The following IGDCC3 variants were observed in gnomAD, a reference collection of about 807,000 sequenced individuals.
IGDCC3 encodes the protein putative neuronal cell adhesion molecule.
A neutral mutation model predicts 72.0 loss-of-function variants in IGDCC3; 47 were observed. The observed-to-expected ratio is 0.65, with a 90% CI of 0.52 to 0.83. The LOEUF (loss-of-function observed/expected upper bound fraction) is 0.83. Among genes scored for constraint, IGDCC3 ranks in the 40% least tolerant of loss-of-function variants. The probability of loss-of-function intolerance (pLI) is 0.00; values close to 1 mark genes in which losing one functional copy is unlikely to be tolerated. For missense variants in IGDCC3, 1,038 were observed against 1,091.3 expected, an observed-to-expected ratio of 0.95 and a Z score of 0.69; for synonymous variants, 477 against 472.8, an observed-to-expected ratio of 1.01 and a Z score of -0.11.
intron 2 of IGDCC3, among the ~76,000 whole-genome samples, chr15:65,363,654 C>T (rs934349364): frequency 6.0e-5 from 9 of 149,334 alleles, no homozygotes; most frequent in Non-Finnish European, 1.0e-4. Context: ...TGCCCACCCC[C>T]GCCACCCGCC....
rs1484400788 is a variant in IGDCC3 at position 65,377,893 on chromosome 15, G to A, written c.-105C>T. 2.0e-6 allele frequency: 2 copies of A among 997,550 alleles called. No individual in the cohort carries two copies. The highest frequency in any genetic ancestry group is 4.6e-5 in the South Asian group (1 of 21,706). 61.8% of individuals were successfully genotyped at this position (997,550 alleles called of 1,614,324 possible). A position where few individuals can be genotyped will look rare whatever the true frequency, so the allele number is the denominator to read the frequency against. ...CGGGGCCGGGGCTGGGGCTCCGGCC[G>A]GGGCCGAGCCCAGGCGGTGGGGGAC... On this transcript the variant is annotated 5_prime_UTR_variant, in exon 1 of 14. Coordinates refer to ENST00000327987, the MANE Select transcript of IGDCC3 (RefSeq NM_004884.4). The surrounding 1 kb of genome is among the most constrained non-coding windows in gnomAD (Gnocchi z 4.9).
intron 2 of IGDCC3, among the ~76,000 whole-genome samples, chr15:65,340,705 T>G (rs2091072799): frequency 6.6e-6 from 1 of 152,276 alleles, no homozygotes; most frequent in Admixed American, 6.5e-5. Context: ...ACTTTTCCCT[T>G]TAGAACCACA....
intron 2 of IGDCC3, among the ~76,000 whole-genome samples, chr15:65,347,083 C>T (rs2091130606): frequency 6.6e-6 from 1 of 152,208 alleles, no homozygotes; most frequent in Non-Finnish European, 1.5e-5. Flanking sequence ...CCCAGTCCCA[C>T]AATATCCCTA....
chr15:65,356,563 A>C (rs1025028194), intron 2 of IGDCC3, among the ~76,000 whole-genome samples: 1 of 151,902 alleles, frequency 6.6e-6, no homozygotes, highest in African/African-American at 2.4e-5. Context: ...ATCAGAACTA[A>C]AGGAAACCAC....
chr15:65,352,487 G>A (rs980076467), intron 2 of IGDCC3, among the ~76,000 whole-genome samples: 9 of 152,106 alleles, frequency 5.9e-5, no homozygotes, highest in Non-Finnish European at 1.0e-4. Flanking sequence ...AACTCATCTC[G>A]TACCTTGCCT....
At chr15:65,349,405 C>T (rs1161745188) in intron 2 of IGDCC3, among the ~76,000 whole-genome samples, 1 of 152,148 alleles carries the variant, frequency 6.6e-6, no homozygotes, top group East Asian at 1.9e-4. Context: ...TTGGGTTTCT[C>T]TCTCTCTGTG....
intron 2 of IGDCC3, among the ~76,000 whole-genome samples, chr15:65,351,213 A>T (rs1215485948): frequency 2.0e-5 from 3 of 152,252 alleles, no homozygotes; most frequent in African/African-American, 7.2e-5. Context: ...CTCTTTCACA[A>T]AAAAATGTAA....
At chr15:65,365,438 C>T (rs1345120134) in intron 2 of IGDCC3, among the ~76,000 whole-genome samples, 1 of 152,148 alleles carries the variant, frequency 6.6e-6, no homozygotes, top group Non-Finnish European at 1.5e-5. Flanking sequence ...TGCATCTGCA[C>T]TGCAACCTAA....
intron 2 of IGDCC3, among the ~76,000 whole-genome samples, chr15:65,370,618 GTGTATATATATATA>G (rs1262708112): frequency 3.5e-5 from 2 of 56,874 alleles, no homozygotes; most frequent in Non-Finnish European, 7.1e-5. Flanking sequence ...ATATATGTAT[GTGTATATATATATA>G]TATATATATA....
intron 2 of IGDCC3, among the ~76,000 whole-genome samples, chr15:65,362,156 C>T (rs1238335181): frequency 1.3e-5 from 2 of 151,498 alleles, no homozygotes; most frequent in Non-Finnish European, 2.9e-5. Flanking sequence ...AATTGGAGAG[C>T]CGTGTTCAGG....
intron 2 of IGDCC3, among the ~76,000 whole-genome samples, chr15:65,347,199 C>G (rs191134937): frequency 6.6e-6 from 1 of 152,292 alleles, no homozygotes. Context: ...TTTCACATGA[C>G]CACAAGGACA....
At chr15:65,363,880 C>T (rs1444217396) in intron 2 of IGDCC3, among the ~76,000 whole-genome samples, 1 of 152,206 alleles carries the variant, frequency 6.6e-6, no homozygotes, top group East Asian at 1.9e-4. Flanking sequence ...CCTCCAGCAG[C>T]CCCAGCCACC....
At position 65,329,429 on chromosome 15, in the gene IGDCC3, G is replaced by C; in HGVS notation, c.2166C>G (p.Pro722=). The part of the protein sequence containing the change: ...VDMKELEQLF[P]PASAAGQPDP... Reference sequence around the variant, plus strand: ...CCGGCTGCCCTGCTGCGCTGGCCGGGGGGAACAGCTGCTCCAGCTCCTTCA... The same window carrying C: ...CCGGCTGCCCTGCTGCGCTGGCCGGCGGGAACAGCTGCTCCAGCTCCTTCA... The change falls in exon 13 of 14, where the codon CCC becomes CCG. Residue 722 remains proline, a synonymous_variant. Transcript: ENST00000327987. The surrounding 1 kb of genome is among the most constrained non-coding windows in gnomAD (Gnocchi z 4.1). 1 of 1,604,864 alleles carries C rather than the reference G, an allele frequency of 6.2e-7. No homozygotes were observed. The highest frequency in any genetic ancestry group is 8.5e-7 in the Non-Finnish European group (1 of 1,176,738).
chr15:65,372,969 A>T (rs2091336165), intron 2 of IGDCC3, among the ~76,000 whole-genome samples: 1 of 151,972 alleles, frequency 6.6e-6, no homozygotes. Context: ...TTGGAGGCAA[A>T]CCCCCCAGCT....
chr15:65,375,377 T>C lies in IGDCC3; in HGVS notation c.129A>G (p.Ala43=). The C allele has an allele frequency of 1.9e-6, 3 of 1,605,166 alleles. No homozygotes were observed. Among genetic ancestry groups the C allele is most frequent in the Non-Finnish European group, 2.6e-6 (3 of 1,172,720 alleles). ...SEGLGHSAEL[A]FAVEPSDDVA... is the part of the protein sequence containing the mutation. The stretch of plus-strand genomic sequence containing the variant: ...CATCATCACTTGGCTCCACAGCAAA[T>C]GCCAGTTCAGCAGAGTGGCCAAGAC... The change falls in exon 2 of 14, where the codon GCA becomes GCG. Residue 43 remains alanine (A), a synonymous_variant. Transcript: ENST00000327987.
chr15:65,375,049 G>A (rs775936251), intron 2 of IGDCC3, 48 bp downstream of exon 2: 2 of 1,547,036 alleles, frequency 1.3e-6, no homozygotes, highest in South Asian at 2.4e-5. Flanking sequence ...GCTGACCCTG[G>A]ATCACCAGCT....
Position 65,375,390 on chromosome 15 carries a change from G to A in IGDCC3, c.116C>T (p.Ser39Phe), listed in dbSNP as rs770978105. The change falls in exon 2 of 14, where the codon TCT becomes TTT. Residue 39 changes from serine to phenylalanine, a missense_variant. By Grantham distance (155) the Ser-to-Phe change is radical (BLOSUM62 -2). Coordinates refer to ENST00000327987, the MANE Select transcript of IGDCC3 (RefSeq NM_004884.4). Reference sequence around the variant, plus strand: ...CTCCACAGCAAATGCCAGTTCAGCAGAGTGGCCAAGACCTGCATTGGGGAA... The same window carrying A: ...CTCCACAGCAAATGCCAGTTCAGCAAAGTGGCCAAGACCTGCATTGGGGAA... ...LPAPSEGLGH[S>F]AELAFAVEPS... 1 of 1,600,066 alleles carries A rather than the reference G, an allele frequency of 6.2e-7. No individual in the cohort carries two copies. The highest frequency in any genetic ancestry group is 1.1e-5 in the South Asian group (1 of 90,426).
At chr15:65,333,550 C>CT in intron 5 of IGDCC3, 135 bp from the exon 6 acceptor site, 1 of 767,370 alleles carries the variant, frequency 1.3e-6, no homozygotes, top group Non-Finnish European at 2.0e-6. Flanking sequence ...TGCCCCTTCC[C>CT]TCCTAGGCAC....
chr15:65,346,576 C>A (rs2091126394), intron 2 of IGDCC3, among the ~76,000 whole-genome samples: 2 of 152,092 alleles, frequency 1.3e-5, no homozygotes, highest in Admixed American at 1.3e-4. Flanking sequence ...CCTACCTCAG[C>A]CTCCCGAGTA....
Sources: gnomAD v4.1 joint callset for allele counts (sites outside exome capture counted in the v4.1 genomes callset) on GRCh38, gnomAD v4.1.1 for gene constraint, Gnocchi (gnomAD v3.1) non-coding constraint, MANE v1.5 for transcripts, NCBI Gene and HGNC (gene_info 2026-07-23, HGNC 2026-07-21) for gene names.